Variants in APAF1 observed in about 807,000 individuals in gnomAD.
APAF1 encodes the protein apoptotic peptidase activating factor 1.
In APAF1, 91 loss-of-function variants were observed where a neutral mutation model predicts 152.4. That is an observed-to-expected ratio of 0.60 (90% CI 0.50 to 0.71). The LOEUF is 0.71. Ranked by LOEUF, APAF1 falls within the 30% of genes least tolerant of loss-of-function variation. The pLI is 0.00. For missense variants in APAF1, 1,283 were observed against 1,472.0 expected (o/e 0.87, Z 2.10); for synonymous variants, 484 against 494.1 (o/e 0.98, Z 0.27).
At position 98,719,476 on chromosome 12, in the gene APAF1, A is replaced by C. The variant is rs2097739228; in HGVS notation, c.3085-3717A>C. On this transcript the variant is annotated intron_variant, in intron 22 of 26. Transcript: ENST00000551964. Reference sequence around the variant, plus strand: ...GCAATTCCCCTGCCTCAGCCTCCTGAGTAGCTGGGACTACAGGCCCGTGCC... The same window carrying C: ...GCAATTCCCCTGCCTCAGCCTCCTGCGTAGCTGGGACTACAGGCCCGTGCC... Among the ~76,000 whole-genome samples, 5 of 150,354 alleles carry C rather than the reference A, an allele frequency of 3.3e-5. No individual in the cohort carries two copies. The South Asian group carries it at 1.1e-3, about 32-fold the overall frequency.
At chr12:98,723,590 A>G in intron 23 of APAF1, 49 bp from the exon 24 acceptor site, 1 of 1,501,272 alleles carries the variant, frequency 6.7e-7, no homozygotes, top group Non-Finnish European at 9.1e-7. Context: ...TTTAATATAA[A>G]ATGTTCTTAA....
chr12:98,686,701 C>A, intron 15 of APAF1, 47 bp from the exon 16 acceptor site: 1 of 1,570,650 alleles, frequency 6.4e-7, no homozygotes, highest in South Asian at 1.1e-5. Context: ...TGATGTTTCC[C>A]CACTCAATAC....
chr12:98,666,213 G>A lies in APAF1; in HGVS notation c.1218G>A (p.Met406Ile), dbSNP rs941756431. ...PTKVLCILWDMETEEVEDILQ... is the reference protein window; with the variant it reads ...PTKVLCILWDIETEEVEDILQ... ...AGGTGTTATGTATTCTCTGGGACATGGAAACTGAAGAAGTTGAAGACATAC... is the reference window on the plus strand; with the variant it reads ...AGGTGTTATGTATTCTCTGGGACATAGAAACTGAAGAAGTTGAAGACATAC... Residue 406 changes from methionine (M) to isoleucine (I), a missense_variant, in exon 9 of 27, where the codon ATG becomes ATA. Transcript: ENST00000551964. 1 of 1,613,906 alleles carries A rather than the reference G, an allele frequency of 6.2e-7. No individual in the cohort carries two copies. The highest frequency in any genetic ancestry group is 1.3e-5 in the African/African-American group (1 of 74,986).
intron 22 of APAF1, among the ~76,000 whole-genome samples, chr12:98,721,143 A>G (rs867503510): frequency 6.6e-6 from 1 of 152,216 alleles, no homozygotes; most frequent in Admixed American, 6.5e-5. Context: ...TATTAAGGTT[A>G]TTCAATTAGC....
chr12:98,687,355 C>G (rs1304553790), intron 16 of APAF1, among the ~76,000 whole-genome samples: 5 of 147,110 alleles, frequency 3.4e-5, no homozygotes, highest in Non-Finnish European at 4.5e-5. Flanking sequence ...GAGTGAGACT[C>G]CGTCTCAAAA....
chr12:98,694,683 A>G (rs770491067), intron 16 of APAF1, among the ~76,000 whole-genome samples: 4 of 151,900 alleles, frequency 2.6e-5, no homozygotes, highest in Non-Finnish European at 5.9e-5. Flanking sequence ...TGAAGTTTTC[A>G]TATTCCAGTG....
At chr12:98,675,265 T>C (rs1169481015) in intron 12 of APAF1, among the ~76,000 whole-genome samples, 1 of 152,220 alleles carries the variant, frequency 6.6e-6, no homozygotes, top group African/African-American at 2.4e-5. Context: ...TCATTTGTTA[T>C]TTGTCTAGTA....
intron 16 of APAF1, 90 bp downstream of exon 16, chr12:98,686,963 T>G (rs1440650462): frequency 3.0e-6 from 4 of 1,351,090 alleles, no homozygotes; most frequent in Non-Finnish European, 4.2e-6. Context: ...TTTTCACATT[T>G]CTACAGAAAG....
At chr12:98,665,470 T>G in intron 7 of APAF1, 83 bp from the exon 8 acceptor site, 1 of 936,450 alleles carries the variant, frequency 1.1e-6, no homozygotes, top group Non-Finnish European at 1.8e-6. Context: ...AATTGTTTCT[T>G]AGTAATGTAA....
chr12:98,708,568 C>T lies in APAF1; in HGVS notation c.2722-17C>T. 6.2e-7 allele frequency: 1 copy of T among 1,610,862 alleles called. No homozygotes were observed. The highest frequency in any genetic ancestry group is 1.7e-5 in the Admixed American group (1 of 59,914). On this transcript the variant is annotated splice_polypyrimidine_tract_variant and intron_variant, in intron 19 of 26. Coordinates refer to ENST00000551964, the MANE Select transcript of APAF1 (RefSeq NM_181861.2). ...TATTTTAGAGATGGAATGATAATTT[C>T]TTTATCTCTTAATCAGCTCTGGGAG...
At chr12:98,727,775 T>C (rs1226500201) in intron 26 of APAF1, among the ~76,000 whole-genome samples, 1 of 151,716 alleles carries the variant, frequency 6.6e-6, no homozygotes, top group East Asian at 1.9e-4. Flanking sequence ...ACCCTGTCTC[T>C]ACTAAAAATA....
rs1472071232 is a variant in APAF1 at position 98,686,876 on chromosome 12, A to G, written c.2304+3A>G. 2 of 1,613,802 alleles carry G rather than the reference A, an allele frequency of 1.2e-6. No individual in the cohort carries two copies. Among genetic ancestry groups the G allele is most frequent in the Non-Finnish European group, 1.7e-6 (2 of 1,179,762 alleles). ...GTTCAGCTGATGGAACCTTAAAGGT[A>G]TGCTTTTGTACACTATTAAAATAGG... On this transcript the variant is annotated splice_donor_region_variant and intron_variant, in intron 16 of 26. Coordinates refer to ENST00000551964, the MANE Select transcript of APAF1 (RefSeq NM_181861.2).
intron 7 of APAF1, among the ~76,000 whole-genome samples, chr12:98,665,278 A>ATATATATATATATATATTTT (rs1491316422): frequency 2.3e-4 from 15 of 65,986 alleles, no homozygotes; most frequent in African/African-American, 7.3e-4. Context: ...ATATATATAT[A>ATATATATATATATATATTTT]TTTTTTTTTT....
chr12:98,686,518 C>T (rs1008188387), intron 15 of APAF1, among the ~76,000 whole-genome samples: 3 of 152,194 alleles, frequency 2.0e-5, no homozygotes, highest in African/African-American at 4.8e-5. Context: ...CTAAAAACCT[C>T]GGTGAGCCTT....
At chr12:98,673,594 G>C (rs1482022409) in intron 12 of APAF1, among the ~76,000 whole-genome samples, 1 of 152,164 alleles carries the variant, frequency 6.6e-6, no homozygotes, top group African/African-American at 2.4e-5. Flanking sequence ...AGAAGTCCAG[G>C]TTGGTATCTG....
chr12:98,671,870 G>C, intron 12 of APAF1, 151 bp downstream of exon 12: 1 of 749,686 alleles, frequency 1.3e-6, no homozygotes, highest in Admixed American at 2.3e-5. Context: ...AAAAGTTCTA[G>C]AGAAGTAAGC....
At chr12:98,729,840 A>C (rs1316798724) in intron 26 of APAF1, among the ~76,000 whole-genome samples, 1 of 152,238 alleles carries the variant, frequency 6.6e-6, no homozygotes, top group Non-Finnish European at 1.5e-5. Context: ...ATTAGAGGAC[A>C]GTTTTTAGCT....
chr12:98,666,498 C>A, intron 9 of APAF1, 141 bp downstream of exon 9: 1 of 797,786 alleles, frequency 1.3e-6, no homozygotes, highest in Non-Finnish European at 2.0e-6. Flanking sequence ...TTTTATATAA[C>A]CATAGTACAG....
intron 12 of APAF1, among the ~76,000 whole-genome samples, chr12:98,673,133 C>T (rs2097682364): frequency 6.6e-6 from 1 of 152,112 alleles, no homozygotes; most frequent in South Asian, 2.1e-4. Context: ...AATTGAGGCA[C>T]AGAAAGATTT....
Sources: gnomAD v4.1 joint callset for allele counts (sites outside exome capture counted in the v4.1 genomes callset) on GRCh38, gnomAD v4.1.1 for gene constraint, MANE v1.5 for transcripts, NCBI Gene and HGNC (gene_info 2026-07-23, HGNC 2026-07-21) for gene names.